Variants in CACNG3 observed in about 807,000 individuals in gnomAD.
CACNG3 encodes the protein calcium voltage-gated channel auxiliary subunit gamma 3, also known as voltage-dependent calcium channel gamma-3 subunit.
In CACNG3, 3 loss-of-function variants were observed where a neutral mutation model predicts 28.5. That is an observed-to-expected ratio of 0.11 (90% CI 0.05 to 0.27). CACNG3 has a LOEUF of 0.27. CACNG3 is among the 10% of genes least tolerant of loss of function. The pLI is 1.00. For synonymous variants in CACNG3, 174 were observed against 162.2 expected (o/e 1.07, Z -0.55); for missense variants, 236 against 414.4 (o/e 0.57, Z 3.74).
intron 1 of CACNG3, among the ~76,000 whole-genome samples, chr16:24,261,634 T>C (rs936820601): frequency 6.6e-6 from 1 of 152,180 alleles, no homozygotes; most frequent in Non-Finnish European, 1.5e-5. Flanking sequence ...TCTTTATTAG[T>C]CAATAATCAC....
In CACNG3 at chr16:24,344,057, G is replaced by A. The variant is rs144185486; in HGVS notation, c.212-2677G>A. On this transcript the variant is annotated intron_variant, in intron 1 of 3. Coordinates refer to ENST00000005284, the MANE Select transcript of CACNG3 (RefSeq NM_006539.4). Reference sequence around the variant, plus strand: ...ATTGCGTCACTGCACTCCAGTCTGGGCGAGATTCCGTCTCAAAAAAATAAT... The same window carrying A: ...ATTGCGTCACTGCACTCCAGTCTGGACGAGATTCCGTCTCAAAAAAATAAT... Among the ~76,000 whole-genome samples, 5 of 152,210 alleles carry A rather than the reference G, an allele frequency of 3.3e-5. No individual in the cohort carries two copies. In the East Asian group the frequency reaches 9.7e-4, roughly 29 times the overall value.
chr16:24,321,320 G>T (rs1272871637), intron 1 of CACNG3, among the ~76,000 whole-genome samples: 1 of 152,082 alleles, frequency 6.6e-6, no homozygotes, highest in Non-Finnish European at 1.5e-5. Context: ...GGTGGCATGT[G>T]CCTGTAATCC....
At chr16:24,291,670 ACCT>A (rs1476581610) in intron 1 of CACNG3, among the ~76,000 whole-genome samples, 2 of 151,868 alleles carry the variant, frequency 1.3e-5, no homozygotes, top group East Asian at 3.9e-4. Context: ...TGGGTTCAAG[ACCT>A]CCTTCCCCCA....
chr16:24,259,921 A>T (rs1054010569), intron 1 of CACNG3, among the ~76,000 whole-genome samples: 1 of 152,218 alleles, frequency 6.6e-6, no homozygotes, highest in African/African-American at 2.4e-5. Context: ...CCACAACTAG[A>T]TTCCCTGCTT....
chr16:24,308,920 A>T (rs977996363), intron 1 of CACNG3, among the ~76,000 whole-genome samples: 1 of 151,958 alleles, frequency 6.6e-6, no homozygotes, highest in Non-Finnish European at 1.5e-5. Flanking sequence ...GTAAAAGTGA[A>T]CAATTTAAAA....
At chr16:24,338,529 GAGAC>G (rs1899740905) in intron 1 of CACNG3, among the ~76,000 whole-genome samples, 1 of 151,992 alleles carries the variant, frequency 6.6e-6, no homozygotes, top group Non-Finnish European at 1.5e-5. Flanking sequence ...TTTTTTAGTA[GAGAC>G]AGGGTTTTAC....
chr16:24,352,024 C>G (rs1246367952), intron 2 of CACNG3, among the ~76,000 whole-genome samples: 3 of 151,938 alleles, frequency 2.0e-5, no homozygotes, highest in Non-Finnish European at 4.4e-5. Context: ...CCGTGCTAGC[C>G]AGGATGGTCT....
Position 24,256,663 on chromosome 16 carries a change from T to A in CACNG3, c.-92T>A. 1 of 831,178 alleles carries A rather than the reference T, an allele frequency of 1.2e-6. No homozygotes were observed. Among genetic ancestry groups the A allele is most frequent in the Non-Finnish European group, 2.1e-6 (1 of 479,134 alleles). The allele number at this position is 831,178 out of a possible 1,614,324, so 51.5% of individuals were successfully genotyped here. A position where few individuals can be genotyped will look rare whatever the true frequency, so the allele number is the denominator to read the frequency against. On this transcript the variant is annotated 5_prime_UTR_variant, in exon 1 of 4. Coordinates refer to ENST00000005284, the MANE Select transcript of CACNG3 (RefSeq NM_006539.4). The surrounding 1 kb of genome is among the most constrained non-coding windows in gnomAD (Gnocchi z 4.6). The stretch of plus-strand genomic sequence containing the variant: ...GGAGACCTGAATTTTTGGAAGAGCC[T>A]GTACTAGGTTACCCGGCTGCAGAGT...
intron 1 of CACNG3, among the ~76,000 whole-genome samples, chr16:24,298,845 T>C (rs529769944): frequency 1.3e-5 from 2 of 152,326 alleles, no homozygotes; most frequent in African/African-American, 4.8e-5. Flanking sequence ...CTGTGGAATA[T>C]CCCTCAATTT....
chr16:24,327,511 G>C (rs972018106), intron 1 of CACNG3, among the ~76,000 whole-genome samples: 2 of 130,040 alleles, frequency 1.5e-5, no homozygotes, highest in African/African-American at 5.8e-5. Context: ...ATATATATAT[G>C]GGGGGGCTGA....
chr16:24,321,594 G>C (rs796658256), intron 1 of CACNG3, among the ~76,000 whole-genome samples: 45 of 152,304 alleles, frequency 3.0e-4, no homozygotes, highest in African/African-American at 6.3e-4. Flanking sequence ...AGTTATGCTT[G>C]CCATTCCAAT....
chr16:24,341,567 T>G (rs1305308177), intron 1 of CACNG3, among the ~76,000 whole-genome samples: 1 of 152,236 alleles, frequency 6.6e-6, no homozygotes, highest in African/African-American at 2.4e-5. Context: ...CTGCTATTAC[T>G]GCCTCAACTA....
At chr16:24,289,228 C>T (rs1464606890) in intron 1 of CACNG3, among the ~76,000 whole-genome samples, 1 of 151,984 alleles carries the variant, frequency 6.6e-6, no homozygotes, top group Non-Finnish European at 1.5e-5. Context: ...CCTCAACGTT[C>T]CTCTCAGATT....
chr16:24,276,440 G>A (rs1012848476), intron 1 of CACNG3, among the ~76,000 whole-genome samples: 2 of 152,186 alleles, frequency 1.3e-5, no homozygotes, highest in African/African-American at 4.8e-5. Context: ...AAAAATTTGA[G>A]AGCCTCTGCT....
chr16:24,292,008 G>A (rs2141355872), intron 1 of CACNG3, among the ~76,000 whole-genome samples: 1 of 152,184 alleles, frequency 6.6e-6, no homozygotes, highest in South Asian at 2.1e-4. Flanking sequence ...GGGAGAGAGA[G>A]AGAGAGACTG....
chr16:24,329,060 C>T (rs970253263), intron 1 of CACNG3, among the ~76,000 whole-genome samples: 4 of 152,174 alleles, frequency 2.6e-5, no homozygotes, highest in Non-Finnish European at 4.4e-5. Flanking sequence ...TGTTTCCCTT[C>T]TTCACCCAAG....
intron 1 of CACNG3, among the ~76,000 whole-genome samples, chr16:24,303,177 T>A (rs376384253): frequency 4.0e-4 from 61 of 152,064 alleles, no homozygotes; most frequent in African/African-American, 1.4e-3. Flanking sequence ...TCCCCTTCCC[T>A]CTCCAGCCTC....
chr16:24,360,395 T>G (rs563308342), intron 3 of CACNG3, among the ~76,000 whole-genome samples: 1 of 152,296 alleles, frequency 6.6e-6, no homozygotes, highest in East Asian at 1.9e-4. Context: ...CCAACAATAT[T>G]GGCACTTTGG....
intron 1 of CACNG3, among the ~76,000 whole-genome samples, chr16:24,327,228 A>G (rs1300083552): frequency 1.3e-5 from 2 of 149,538 alleles, no homozygotes; most frequent in African/African-American, 4.9e-5. Flanking sequence ...GGAGAGTCTC[A>G]GGCAGTGAAG....
Sources: gnomAD v4.1 joint callset for allele counts (sites outside exome capture counted in the v4.1 genomes callset) on GRCh38, gnomAD v4.1.1 for gene constraint, Gnocchi (gnomAD v3.1) non-coding constraint, MANE v1.5 for transcripts, NCBI Gene and HGNC (gene_info 2026-07-23, HGNC 2026-07-21) for gene names.